The following ARMC9 variants were observed in gnomAD, a reference collection of about 807,000 sequenced individuals.
The protein encoded by ARMC9 is armadillo repeat containing 9, also known as lisH domain-containing protein ARMC9.
In ARMC9, 94 loss-of-function variants were observed where a neutral mutation model predicts 107.0. The observed-to-expected ratio is 0.88, with a 90% CI of 0.74 to 1.04. ARMC9 has a LOEUF of 1.04. Ranked by LOEUF, ARMC9 falls within the 50% of genes least tolerant of loss-of-function variation. ARMC9 has a pLI of 0.00. For synonymous variants in ARMC9, 380 were observed against 396.9 expected, an observed-to-expected ratio of 0.96 and a Z score of 0.51; for missense variants, 942 against 1,030.1, an observed-to-expected ratio of 0.91 and a Z score of 1.17.
At chr2:231,355,743 A>G (rs552055784) in intron 21 of ARMC9, 55 bp from the exon 22 acceptor site, 184 of 1,491,950 alleles carry the variant, frequency 1.2e-4, no homozygotes, top group Non-Finnish European at 1.5e-4. Flanking sequence ...GGCAGTCGGC[A>G]GTCCGAATCT....
Position 231,270,970 on chromosome 2 carries a change from G to A in ARMC9, c.1120-12G>A, listed in dbSNP as rs200447822. On this transcript the variant is annotated splice_polypyrimidine_tract_variant and intron_variant, in intron 12 of 24. Transcript: ENST00000611582. The stretch of plus-strand genomic sequence containing the variant: ...TCTTAACCTTGTTTTTCCTCTTGAC[G>A]TTTTCCCCCAGAGGAGTGTGCTTCA... 5.9e-4 allele frequency: 951 copies of A among 1,613,488 alleles called. No individual in the cohort carries two copies. The highest frequency in any genetic ancestry group is 7.5e-4 in the Non-Finnish European group (889 of 1,179,566).
In ARMC9 at chr2:231,304,748, C is replaced by T. The variant is rs565818308; in HGVS notation, c.1773+8495C>T. Among the ~76,000 whole-genome samples, 10 of 152,296 alleles carry T rather than the reference C, an allele frequency of 6.6e-5. No individual in the cohort carries two copies. In the East Asian group the frequency reaches 1.7e-3, roughly 26 times the overall value. On this transcript the variant is annotated intron_variant, in intron 19 of 24. Transcript: ENST00000611582. Reference sequence around the variant, plus strand: ...AACATAAGAAATTGTGTATTATCAACACCAATAGCATCAGAAAAGCCTTTA... The same window carrying T: ...AACATAAGAAATTGTGTATTATCAATACCAATAGCATCAGAAAAGCCTTTA...
At chr2:231,251,954 G>A (rs1048801897) in intron 9 of ARMC9, among the ~76,000 whole-genome samples, 78 of 152,226 alleles carry the variant, frequency 5.1e-4, no homozygotes, top group African/African-American at 1.8e-3. Context: ...CTCATTGAGA[G>A]CATGCTGAGC....
intron 7 of ARMC9, among the ~76,000 whole-genome samples, chr2:231,227,931 A>G (rs994988783): frequency 6.6e-6 from 1 of 152,198 alleles, no homozygotes; most frequent in Admixed American, 6.5e-5. Flanking sequence ...GAGCAGGGCT[A>G]CAGATACGGC....
At chr2:231,210,038 T>C (rs1188157355) in intron 3 of ARMC9, among the ~76,000 whole-genome samples, 3 of 152,214 alleles carry the variant, frequency 2.0e-5, no homozygotes, top group East Asian at 3.9e-4. Context: ...GAAATAATTT[T>C]AGGCTTGGCT....
chr2:231,315,398 G>A lies in ARMC9; in HGVS notation c.1774-16395G>A, dbSNP rs558087144. Reference sequence around the variant, plus strand: ...CTAAAAATACAAAAAAATTAGCCAGGCGTGGTGGCGCACACCTGTAGTCCC... The same window carrying A: ...CTAAAAATACAAAAAAATTAGCCAGACGTGGTGGCGCACACCTGTAGTCCC... On this transcript the variant is annotated intron_variant, in intron 19 of 24. Coordinates refer to ENST00000611582, the MANE Select transcript of ARMC9 (RefSeq NM_001352754.2). 2.6e-5 allele frequency among the ~76,000 whole-genome samples: 4 copies of A among 152,172 alleles called. No homozygotes were observed. In the East Asian group the frequency reaches 5.8e-4, roughly 22 times the overall value.
At chr2:231,324,160 C>T (rs2043163484) in intron 19 of ARMC9, among the ~76,000 whole-genome samples, 2 of 102,078 alleles carry the variant, frequency 2.0e-5, no homozygotes, top group Admixed American at 1.5e-4. Flanking sequence ...TGTAGTCTTG[C>T]TCTGTTGCCC....
chr2:231,337,041 C>A (rs1331891653), intron 20 of ARMC9, among the ~76,000 whole-genome samples: 1 of 152,160 alleles, frequency 6.6e-6, no homozygotes, highest in Non-Finnish European at 1.5e-5. Flanking sequence ...GCCCTGAGAG[C>A]TCCTGCCCCT....
chr2:231,259,250 A>G (rs1559364276), intron 11 of ARMC9, 148 bp downstream of exon 11: 7 of 678,140 alleles, frequency 1.0e-5, no homozygotes, highest in Admixed American at 3.0e-5. Flanking sequence ...GTCAAAAGCC[A>G]CTTCTGAAGA....
chr2:231,317,057 T>G (rs556085334), intron 19 of ARMC9, among the ~76,000 whole-genome samples: 1 of 152,354 alleles, frequency 6.6e-6, no homozygotes, highest in African/African-American at 2.4e-5. Flanking sequence ...CTCCCCTGTA[T>G]GTAATGGGTT....
At chr2:231,315,638 C>G (rs191340344) in intron 19 of ARMC9, among the ~76,000 whole-genome samples, 4 of 152,290 alleles carry the variant, frequency 2.6e-5, no homozygotes, top group Admixed American at 1.3e-4. Context: ...TATGCTAGTA[C>G]CACATGATGT....
chr2:231,270,183 GC>G (rs1241516058), intron 12 of ARMC9, among the ~76,000 whole-genome samples: 3 of 152,114 alleles, frequency 2.0e-5, no homozygotes, highest in Non-Finnish European at 4.4e-5. Flanking sequence ...TTTTGGGGTG[GC>G]CCTCTGTTCC....
intron 20 of ARMC9, among the ~76,000 whole-genome samples, chr2:231,342,266 C>T (rs561993486): frequency 4.6e-5 from 7 of 152,344 alleles, no homozygotes; most frequent in Admixed American, 2.0e-4. Flanking sequence ...AGTGCTGGCC[C>T]GCAGGCCAGA....
intron 17 of ARMC9, among the ~76,000 whole-genome samples, chr2:231,284,984 G>A (rs1245516926): frequency 1.3e-5 from 2 of 152,222 alleles, no homozygotes; most frequent in Admixed American, 1.3e-4. Context: ...CAGATCACGA[G>A]GTCAGGAGTT....
intron 9 of ARMC9, chr2:231,256,379 C>T: frequency 1.5e-6 from 2 of 1,328,978 alleles, no homozygotes; most frequent in Non-Finnish European, 2.1e-6. Flanking sequence ...TCACAGTCTG[C>T]TCCTTTTTTT....
At chr2:231,338,283 A>G (rs958865535) in intron 20 of ARMC9, among the ~76,000 whole-genome samples, 6 of 151,542 alleles carry the variant, frequency 4.0e-5, no homozygotes, top group African/African-American at 1.2e-4. Context: ...CAGTGGCGCA[A>G]TCTCGGCTTA....
intron 19 of ARMC9, among the ~76,000 whole-genome samples, chr2:231,304,006 T>A (rs1055212950): frequency 1.3e-5 from 2 of 151,886 alleles, no homozygotes; most frequent in Non-Finnish European, 2.9e-5. Flanking sequence ...CCAAGGTGGA[T>A]GGATCACTGG....
intron 19 of ARMC9, among the ~76,000 whole-genome samples, chr2:231,327,854 G>A (rs137990334): frequency 2.6e-4 from 39 of 152,014 alleles, no homozygotes; most frequent in East Asian, 5.8e-4. Context: ...GCATGATCTC[G>A]GCTCACTGCA....
chr2:231,243,265 T>C (rs79903437), intron 9 of ARMC9, among the ~76,000 whole-genome samples: 4 of 145,836 alleles, frequency 2.7e-5, no homozygotes, highest in African/African-American at 1.0e-4. Context: ...AAAAAAAAAT[T>C]AGTTGGGCTT....
Sources: gnomAD v4.1 joint callset for allele counts (sites outside exome capture counted in the v4.1 genomes callset) on GRCh38, gnomAD v4.1.1 for gene constraint, MANE v1.5 for transcripts, NCBI Gene and HGNC (gene_info 2026-07-23, HGNC 2026-07-21) for gene names.